Variants in PAPLN observed in about 807,000 individuals in gnomAD.
PAPLN encodes the protein papilin, proteoglycan like sulfated glycoprotein, also known as papilin.
Under a neutral mutation model 159.0 loss-of-function variants are expected in PAPLN, and 146 were observed. That is an observed-to-expected ratio of 0.92 (90% CI 0.80 to 1.05). The LOEUF (loss-of-function observed/expected upper bound fraction) is 1.05, where lower values mean the gene tolerates loss of function less well. Among genes scored for constraint, PAPLN ranks in the 50% least tolerant of loss-of-function variants. The pLI is 0.00. For missense variants in PAPLN, 1,720 were observed against 1,743.9 expected (o/e 0.99, Z 0.24); for synonymous variants, 734 against 702.9 (o/e 1.04, Z -0.70).
rs1003706088 is a variant in PAPLN, at chr14:73,245,751, G to C, written c.231+55G>C. On this transcript the variant is annotated intron_variant, in intron 4 of 26. Coordinates refer to ENST00000644200, the MANE Select transcript of PAPLN (RefSeq NM_001365906.3). This position sits in a 1 kb window ranked among gnomAD's most constrained non-coding sequence, Gnocchi z 4.2. ...CCAGCTTCCCCAGCCCCTCCTGGCC[G>C]ATTTCCCCATTGGGATGCCCGCTCC... The C allele has an allele frequency of 2.0e-6, 3 of 1,529,138 alleles. No individual in the cohort carries two copies. The African/African-American group carries it at 4.1e-5, about 21-fold the overall frequency. 94.7% of individuals were successfully genotyped at this position (1,529,138 alleles called of 1,614,324 possible).
chr14:73,256,003 A>G (rs1247546090), intron 14 of PAPLN, among the ~76,000 whole-genome samples: 1 of 152,198 alleles, frequency 6.6e-6, no homozygotes, highest in Non-Finnish European at 1.5e-5. Context: ...GGTGCTTGCT[A>G]GCTAAGCAGA....
intron 6 of PAPLN, 53 bp downstream of exon 6, chr14:73,250,167 C>A (rs914725652): frequency 6.6e-7 from 1 of 1,522,230 alleles, no homozygotes; most frequent in South Asian, 1.3e-5. Flanking sequence ...GGGCTCAGTG[C>A]GGGTGTTTCC....
At position 73,251,002 on chromosome 14, in the gene PAPLN, C is replaced by A. The variant is rs765518343; in HGVS notation, c.561C>A (p.Gly187=). The A allele has an allele frequency of 4.3e-6, 7 of 1,613,214 alleles. No homozygotes were observed. The highest frequency in any genetic ancestry group is 5.9e-6 in the Non-Finnish European group (7 of 1,179,706). ...GCACGACCTGCTACCCCGTCGCAGG[C>A]ACCTTTGACGCTAATGACCTCAGCC... is the stretch of plus-strand genomic sequence containing the variant. ...GDGTTCYPVA[G]TFDANDLSRG... Residue 187 remains glycine, a synonymous_variant, in exon 7 of 27, where the codon GGC becomes GGA. Transcript: ENST00000644200.
Position 73,245,524 on chromosome 14 carries a change from C to T in PAPLN, c.171-112C>T, listed in dbSNP as rs1884132498. The T allele has an allele frequency of 1.6e-6, 2 of 1,221,060 alleles. No individual in the cohort carries two copies. Among genetic ancestry groups the T allele is most frequent in the Non-Finnish European group, 2.3e-6 (2 of 877,180 alleles). The allele number at this position is 1,221,060 out of a possible 1,614,324, so 75.6% of individuals were successfully genotyped here. A position where few individuals can be genotyped will look rare whatever the true frequency, so the allele number is the denominator to read the frequency against. ...GTGGGGTCGGGGGACACCCTCTCAC[C>T]TTGCTGCTCCCACTGGAGAGTCCCG... On this transcript the variant is annotated intron_variant, in intron 3 of 26. Coordinates refer to ENST00000644200, the MANE Select transcript of PAPLN (RefSeq NM_001365906.3). The surrounding 1 kb of genome is among the most constrained non-coding windows in gnomAD (Gnocchi z 4.2).
rs544652171 is a variant in PAPLN, at chr14:73,251,679, G to A, written c.686G>A (p.Arg229His). ...CTCTGCGCAGCTGTGAAGAATGTTC[G>A]TGGGGAATACTACCTCAATGGGCAC... Reference protein sequence around the residue: ...SRNFLAVKNVRGEYYLNGHWT... With the variant: ...SRNFLAVKNVHGEYYLNGHWT... Residue 229 changes from arginine (R) to histidine (H), a missense_variant, in exon 9 of 27, where the codon CGT (arginine) becomes CAT (histidine). Transcript: ENST00000644200. The A allele has an allele frequency of 2.5e-5, 40 of 1,613,496 alleles. No homozygotes were observed. Among genetic ancestry groups the A allele is most frequent in the African/African-American group, 8.0e-5 (6 of 75,014 alleles).
At chr14:73,238,985 A>T (rs1189654570) in intron 1 of PAPLN, among the ~76,000 whole-genome samples, 1 of 152,264 alleles carries the variant, frequency 6.6e-6, no homozygotes, top group East Asian at 1.9e-4. Context: ...GTACACATAC[A>T]CACTGCACAG....
chr14:73,253,657 T>C, intron 11 of PAPLN, 97 bp from the exon 12 acceptor site: 1 of 1,164,268 alleles, frequency 8.6e-7, no homozygotes, highest in Admixed American at 2.5e-5. Context: ...GGGGTGGGGG[T>C]CCTCAGGCCA....
chr14:73,247,058 GT>G (rs1289249625), intron 5 of PAPLN, among the ~76,000 whole-genome samples: 4 of 152,140 alleles, frequency 2.6e-5, no homozygotes, highest in Non-Finnish European at 4.4e-5. Flanking sequence ...TTTGAGCCCT[GT>G]TTTTGCTCAG....
intron 25 of PAPLN, among the ~76,000 whole-genome samples, chr14:73,267,162 C>T (rs1180339246): frequency 6.6e-6 from 1 of 152,176 alleles, no homozygotes; most frequent in Non-Finnish European, 1.5e-5. Flanking sequence ...ATGCCAGGGG[C>T]ACCCTCCCCA....
intron 14 of PAPLN, among the ~76,000 whole-genome samples, chr14:73,256,437 CAGG>C (rs1473986357): frequency 6.8e-6 from 1 of 146,024 alleles, no homozygotes; most frequent in Non-Finnish European, 1.5e-5. Flanking sequence ...GAGGCTGAGG[CAGG>C]AGAATTGCTT....
intron 5 of PAPLN, chr14:73,246,927 AC>A (rs1884454587): frequency 6.6e-6 from 1 of 151,394 alleles, no homozygotes; most frequent in South Asian, 2.1e-4. Context: ...AATCACCAGT[AC>A]CCCTGCTCCC....
At chr14:73,269,823 C>T (rs567602428) in intron 26 of PAPLN, among the ~76,000 whole-genome samples, 1 of 151,884 alleles carries the variant, frequency 6.6e-6, no homozygotes, top group Non-Finnish European at 1.5e-5. Context: ...ACAATCAGGG[C>T]TGCAGCGCCA....
rs1887109677 is a variant in PAPLN, at chr14:73,265,353, G to T, written c.3126-17G>T. ...AACGGCAAGGGCCCCTCATGCTGTG[G>T]GCTGCTTGTTTGGCAGGCTGCGTTT... is the stretch of plus-strand genomic sequence containing the variant. On this transcript the variant is annotated splice_polypyrimidine_tract_variant and intron_variant, in intron 22 of 26. Coordinates refer to ENST00000644200, the MANE Select transcript of PAPLN (RefSeq NM_001365906.3). The surrounding 1 kb of genome is among the most constrained non-coding windows in gnomAD (Gnocchi z 4.1). 6 of 1,606,128 alleles carry T rather than the reference G, an allele frequency of 3.7e-6. No individual in the cohort carries two copies. Among genetic ancestry groups the T allele is most frequent in the Non-Finnish European group, 3.4e-6 (4 of 1,179,274 alleles).
chr14:73,254,053 C>A, intron 12 of PAPLN, 92 bp downstream of exon 12: 1 of 1,378,732 alleles, frequency 7.3e-7, no homozygotes, highest in East Asian at 2.5e-5. Flanking sequence ...AAACCGAGGT[C>A]CTGGGAGGTA....
At chr14:73,257,430 T>C (rs1281904402) in intron 14 of PAPLN, among the ~76,000 whole-genome samples, 2 of 152,162 alleles carry the variant, frequency 1.3e-5, no homozygotes, top group African/African-American at 4.8e-5. Context: ...CTACAGGTTT[T>C]CTCTTATGTA....
At chr14:73,249,858 G>A (rs1885037679) in intron 5 of PAPLN, 126 bp from the exon 6 acceptor site, 2 of 1,105,404 alleles carry the variant, frequency 1.8e-6, no homozygotes, top group Non-Finnish European at 2.4e-6. Context: ...GCGGGGATCT[G>A]TGCTCTGCGG....
chr14:73,249,353 A>G (rs922727638), intron 5 of PAPLN, among the ~76,000 whole-genome samples: 8 of 152,176 alleles, frequency 5.3e-5, no homozygotes, highest in Non-Finnish European at 1.0e-4. Flanking sequence ...AGCATGTGTA[A>G]TATTCCATTG....
In PAPLN at chr14:73,245,036, AT is replaced by A; in HGVS notation, c.170+281del. 1 of 313,854 alleles carries A rather than the reference AT, an allele frequency of 3.2e-6. No individual in the cohort carries two copies. The highest frequency in any genetic ancestry group is 5.9e-6 in the Non-Finnish European group (1 of 169,178). 19.4% of individuals were successfully genotyped at this position (313,854 alleles called of 1,614,324 possible). On this transcript the variant is annotated intron_variant, in intron 3 of 26. Coordinates refer to ENST00000644200, the MANE Select transcript of PAPLN (RefSeq NM_001365906.3). This position sits in a 1 kb window ranked among gnomAD's most constrained non-coding sequence, Gnocchi z 4.2. Reference sequence around the variant, plus strand: ...GCCTGCAGTATGGCAGGTGCAGTCAATTTTGCTGGAACTGGTAAATAATCTT... The same window carrying A: ...GCCTGCAGTATGGCAGGTGCAGTCAATTTGCTGGAACTGGTAAATAATCTT...
In PAPLN at chr14:73,245,483, C is replaced by T. The variant is rs959143254; in HGVS notation, c.171-153C>T. On this transcript the variant is annotated intron_variant, in intron 3 of 26. Transcript: ENST00000644200. The surrounding 1 kb of genome is among the most constrained non-coding windows in gnomAD (Gnocchi z 4.2). ...ACCAACATGGGTCGCTCACTCCCAC[C>T]TGGGGGATTTACGGGGTGGGGTCGG... The T allele has an allele frequency of 1.0e-5, 8 of 790,782 alleles. No individual in the cohort carries two copies. Among genetic ancestry groups the T allele is most frequent in the Admixed American group, 2.7e-5 (1 of 37,700 alleles). The allele number at this position is 790,782 out of a possible 1,614,324, so 49.0% of individuals were successfully genotyped here.
Sources: gnomAD v4.1 joint callset for allele counts (sites outside exome capture counted in the v4.1 genomes callset) on GRCh38, gnomAD v4.1.1 for gene constraint, Gnocchi (gnomAD v3.1) non-coding constraint, MANE v1.5 for transcripts, NCBI Gene and HGNC (gene_info 2026-07-23, HGNC 2026-07-21) for gene names.